The following MEF2C variants were observed in gnomAD, a reference collection of about 807,000 sequenced individuals.
The protein encoded by MEF2C is myocyte enhancer factor 2C.
Under a neutral mutation model 50.5 loss-of-function variants are expected in MEF2C, and 6 were observed. That is an observed-to-expected ratio of 0.12 (90% confidence interval 0.07 to 0.23). The LOEUF is 0.23. Ranked by LOEUF, MEF2C falls within the 10% of genes least tolerant of loss-of-function variation. The pLI is 1.00. For synonymous variants in MEF2C, 183 were observed against 228.0 expected (o/e 0.80, Z 1.78); for missense variants, 276 against 605.0 (o/e 0.46, Z 5.70).
chr5:88,737,948 T>A, intron 6 of MEF2C: 1 of 985,184 alleles, frequency 1.0e-6, no homozygotes, highest in Non-Finnish European at 1.2e-6. Flanking sequence ...ATGATGGCAG[T>A]GGAAAGGAGA....
intron 2 of MEF2C, among the ~76,000 whole-genome samples, chr5:88,823,264 A>G (rs137887015): frequency 2.1e-4 from 32 of 152,044 alleles, no homozygotes; most frequent in African/African-American, 7.7e-4. Flanking sequence ...CACAATGTTA[A>G]AATGTTTGGA....
At chr5:88,801,532 G>T (rs1172086817) in intron 3 of MEF2C, among the ~76,000 whole-genome samples, 2 of 148,920 alleles carry the variant, frequency 1.3e-5, no homozygotes, top group African/African-American at 5.0e-5. Context: ...TCACCCTGTC[G>T]CCTGCGCCAG....
intron 3 of MEF2C, chr5:88,775,829 GA>G (rs1784490799): frequency 2.0e-6 from 2 of 983,868 alleles, no homozygotes; most frequent in Non-Finnish European, 2.4e-6. Flanking sequence ...GAAGGGTATA[GA>G]GAGTATTTTT....
chr5:88,876,855 C>T (rs1204347906), intron 1 of MEF2C, among the ~76,000 whole-genome samples: 1 of 151,930 alleles, frequency 6.6e-6, no homozygotes, highest in East Asian at 1.9e-4. Flanking sequence ...TATATGAATT[C>T]TTCATGTGCA....
chr5:88,903,219 A>G (rs1835841039), intron 1 of MEF2C, among the ~76,000 whole-genome samples: 1 of 151,866 alleles, frequency 6.6e-6, no homozygotes, highest in Non-Finnish European at 1.5e-5. Context: ...TGATGTAAAA[A>G]CATGCTTTAA....
chr5:88,822,733 G>C (rs1266981914), intron 2 of MEF2C, among the ~76,000 whole-genome samples: 1 of 151,940 alleles, frequency 6.6e-6, no homozygotes, highest in Non-Finnish European at 1.5e-5. Context: ...GTCTACATTT[G>C]TGGGGAAATT....
intron 1 of MEF2C, among the ~76,000 whole-genome samples, chr5:88,831,797 C>T (rs747918398): frequency 1.3e-5 from 2 of 152,140 alleles, no homozygotes. Context: ...TTACAGCATC[C>T]TAATCAACCT....
chr5:88,723,830 T>G (rs1278599886), intron 10 of MEF2C, among the ~76,000 whole-genome samples: 1 of 152,224 alleles, frequency 6.6e-6, no homozygotes, highest in Non-Finnish European at 1.5e-5. Context: ...GATTTTACTG[T>G]GTTTATAATC....
chr5:88,796,185 T>C (rs1299376513), intron 3 of MEF2C, among the ~76,000 whole-genome samples: 1 of 152,192 alleles, frequency 6.6e-6, no homozygotes, highest in Non-Finnish European at 1.5e-5. Context: ...CCTCTTTTTT[T>C]ATTATTTGGA....
Position 88,748,964 on chromosome 5 carries a change from TCA to T in MEF2C, c.637+104_637+105del, listed in dbSNP as rs1480531252. Reference sequence around the variant, plus strand: ...TCTTGGTGTCATTTTTCCATGCCTCTCACAGATCTCTTAACTTTATTTGTTCA... The same window carrying T: ...TCTTGGTGTCATTTTTCCATGCCTCTCAGATCTCTTAACTTTATTTGTTCA... On this transcript the variant is annotated intron_variant, in intron 6 of 10. Transcript: ENST00000504921. The T allele has an allele frequency of 6.5e-6, 10 of 1,539,742 alleles. No homozygotes were observed. In the East Asian group the frequency reaches 1.5e-4, roughly 23 times the overall value.
chr5:88,900,015 T>G (rs1030590642), intron 1 of MEF2C, among the ~76,000 whole-genome samples: 1 of 152,088 alleles, frequency 6.6e-6, no homozygotes. Context: ...AATTTACATG[T>G]CTGGGTTTTA....
At chr5:88,868,884 A>C (rs1380795739) in intron 1 of MEF2C, among the ~76,000 whole-genome samples, 1 of 152,152 alleles carries the variant, frequency 6.6e-6, no homozygotes, top group African/African-American at 2.4e-5. Context: ...ATTCATCTTA[A>C]ATCTATGTGC....
In MEF2C at chr5:88,819,419, C is replaced by T. The variant is rs1030558772; in HGVS notation, c.54+4316G>A. 1.5e-5 allele frequency: 15 copies of T among 979,164 alleles called. No individual in the cohort carries two copies. In the South Asian group the frequency reaches 1.9e-4, roughly 12 times the overall value. The allele number at this position is 979,164 out of a possible 1,614,324, so 60.7% of individuals were successfully genotyped here. The stretch of plus-strand genomic sequence containing the variant: ...TTTGCGATATCTGGGTCCTGTCTAA[C>T]ATCCAATCTTTTCTCTCATTTCTCT... On this transcript the variant is annotated intron_variant, in intron 2 of 10. Coordinates refer to ENST00000504921, the MANE Select transcript of MEF2C (RefSeq NM_002397.5).
intron 1 of MEF2C, among the ~76,000 whole-genome samples, chr5:88,856,060 T>C (rs762481613): frequency 3.3e-5 from 5 of 152,124 alleles, no homozygotes; most frequent in Non-Finnish European, 7.3e-5. Context: ...ATACTGATAG[T>C]GATATGGACA....
Position 88,722,866 on chromosome 5 carries a change from C to T in MEF2C, c.1160G>A (p.Ser387Asn), listed in dbSNP as rs1191561734. The T allele has an allele frequency of 1.2e-6, 2 of 1,613,682 alleles. No homozygotes were observed. The highest frequency in any genetic ancestry group is 1.7e-6 in the Non-Finnish European group (2 of 1,179,826). The change falls in exon 11 of 11, where the codon AGC becomes AAC. Residue 387 changes from serine (S) to asparagine (N), a missense_variant. By Grantham distance (46) the Ser-to-Asn change is conservative. This residue lies in a region of MEF2C where 256 missense variants were observed against 468.1 expected (regional missense o/e 0.55). Coordinates refer to ENST00000504921, the MANE Select transcript of MEF2C (RefSeq NM_002397.5). The stretch of plus-strand genomic sequence containing the variant: ...AACAGGTTCTGACTTGATGTTGAGG[C>T]TTTGAGTAGAAGGCAGGGAGAGATT... ...SSNLSLPSTQ[S>N]LNIKSEPVSP...
chr5:88,750,212 T>G (rs1320700078), intron 5 of MEF2C: 1 of 537,306 alleles, frequency 1.9e-6, no homozygotes, highest in Non-Finnish European at 2.4e-6. Context: ...ACACGATTTT[T>G]TTTTTTTTTT....
chr5:88,838,317 A>C (rs1815969764), intron 1 of MEF2C, among the ~76,000 whole-genome samples: 1 of 152,020 alleles, frequency 6.6e-6, no homozygotes, highest in South Asian at 2.1e-4. Context: ...AATAGAATGT[A>C]AGTTAGATAT....
intron 5 of MEF2C, 31 bp downstream of exon 5, chr5:88,751,826 T>TTG (rs1402936926): frequency 1.2e-6 from 2 of 1,602,208 alleles, no homozygotes; most frequent in African/African-American, 2.7e-5. Flanking sequence ...TTCCAACTAT[T>TTG]TGTTAGCATT....
At chr5:88,876,728 AAGAC>A (rs752605651) in intron 1 of MEF2C, among the ~76,000 whole-genome samples, 14 of 152,020 alleles carry the variant, frequency 9.2e-5, no homozygotes, top group Non-Finnish European at 1.9e-4. Context: ...GTGTGAAAAA[AAGAC>A]AGGCATAGTT....
Sources: gnomAD v4.1 joint callset for allele counts (sites outside exome capture counted in the v4.1 genomes callset) on GRCh38, gnomAD v4.1.1 for gene constraint, gnomAD v4.1.1 regional missense constraint, MANE v1.5 for transcripts, NCBI Gene and HGNC (gene_info 2026-07-23, HGNC 2026-07-21) for gene names.